The following CRTAC1 variants were observed in gnomAD, a reference collection of about 807,000 sequenced individuals.
CRTAC1 encodes the protein cartilage acidic protein 1.
Under a neutral mutation model 67.8 loss-of-function variants are expected in CRTAC1, and 37 were observed. That is an observed-to-expected ratio of 0.55 (90% CI 0.42 to 0.72). CRTAC1 has a LOEUF of 0.72. Ranked by LOEUF, CRTAC1 falls within the 30% of genes least tolerant of loss-of-function variation. The probability of loss-of-function intolerance (pLI) is 0.00; values close to 1 mark genes in which losing one functional copy is unlikely to be tolerated. For missense variants in CRTAC1, 780 were observed against 931.6 expected (o/e 0.84, Z 2.12); for synonymous variants, 348 against 371.0 (o/e 0.94, Z 0.71).
chr10:98,001,931 C>T (rs1374782983), intron 2 of CRTAC1, among the ~76,000 whole-genome samples: 1 of 152,252 alleles, frequency 6.6e-6, no homozygotes, highest in South Asian at 2.1e-4. Context: ...AGGCTGGCGT[C>T]AGATCCGCCC....
chr10:97,876,830 T>C (rs2050152678), intron 14 of CRTAC1, among the ~76,000 whole-genome samples: 1 of 151,686 alleles, frequency 6.6e-6, no homozygotes, highest in Non-Finnish European at 1.5e-5. Flanking sequence ...CTGGGTAGCT[T>C]GGGGGTGGCT....
intron 2 of CRTAC1, among the ~76,000 whole-genome samples, chr10:97,954,651 T>C (rs1250514175): frequency 2.0e-5 from 3 of 152,290 alleles, no homozygotes; most frequent in Admixed American, 2.0e-4. Context: ...GCTGGGGCCA[T>C]GTCGGGGCAA....
At chr10:97,974,341 A>C (rs1018486010) in intron 2 of CRTAC1, among the ~76,000 whole-genome samples, 12 of 152,176 alleles carry the variant, frequency 7.9e-5, no homozygotes, top group African/African-American at 2.9e-4. Flanking sequence ...ACTTTGTTGT[A>C]CATTTTGTCT....
In CRTAC1 at chr10:97,878,971, G is replaced by C. The variant is rs115636303; in HGVS notation, c.1819+1278C>G. Among the ~76,000 whole-genome samples, 1,244 of 152,300 alleles carry C rather than the reference G, an allele frequency of 8.2e-3. 27 individuals carry two copies. Among genetic ancestry groups the C allele is most frequent in the African/African-American group, 0.028 (1,160 of 41,540 alleles). On this transcript the variant is annotated intron_variant, in intron 14 of 14. Coordinates refer to ENST00000370597, the MANE Select transcript of CRTAC1 (RefSeq NM_018058.7). ...CGCAACCAAACCACTGCTGGTGCCT[G>C]AGGGTGACACCTGCTTTGTGTTATG... is the stretch of plus-strand genomic sequence containing the variant.
chr10:97,921,282 T>A (rs1295781512), intron 4 of CRTAC1, among the ~76,000 whole-genome samples: 1 of 152,080 alleles, frequency 6.6e-6, no homozygotes, highest in African/African-American at 2.4e-5. Context: ...CTGCCCCAGG[T>A]AGGGGCTATG....
At chr10:97,928,020 G>A (rs1354530758) in intron 3 of CRTAC1, among the ~76,000 whole-genome samples, 1 of 152,226 alleles carries the variant, frequency 6.6e-6, no homozygotes, top group Non-Finnish European at 1.5e-5. Flanking sequence ...TTAGGAGCAG[G>A]AGAGAGGTAT....
intron 14 of CRTAC1, among the ~76,000 whole-genome samples, chr10:97,876,532 C>G (rs987322675): frequency 2.0e-5 from 3 of 152,154 alleles, no homozygotes; most frequent in Non-Finnish European, 4.4e-5. Flanking sequence ...CACCTTCCCA[C>G]TGGAGTGAGT....
chr10:97,922,471 C>T (rs1388255426), intron 4 of CRTAC1, among the ~76,000 whole-genome samples: 1 of 152,224 alleles, frequency 6.6e-6, no homozygotes, highest in Non-Finnish European at 1.5e-5. Flanking sequence ...CGGGCAGCAG[C>T]TGGGCCCCTG....
At chr10:97,947,599 G>A (rs2051284949) in intron 2 of CRTAC1, among the ~76,000 whole-genome samples, 1 of 152,224 alleles carries the variant, frequency 6.6e-6, no homozygotes, top group South Asian at 2.1e-4. Context: ...TATATGCAAA[G>A]CATTCCCCAA....
At chr10:97,906,173 G>A (rs1240331704) in intron 6 of CRTAC1, among the ~76,000 whole-genome samples, 1 of 152,192 alleles carries the variant, frequency 6.6e-6, no homozygotes, top group East Asian at 1.9e-4. Context: ...GGAGCTGGGG[G>A]AGGTGTGGGA....
chr10:97,892,709 G>A (rs2050396060), intron 11 of CRTAC1, among the ~76,000 whole-genome samples: 1 of 152,210 alleles, frequency 6.6e-6, no homozygotes, highest in Non-Finnish European at 1.5e-5. Flanking sequence ...CTTGATAAGT[G>A]TCGGCTACTG....
At chr10:97,873,566 T>G (rs1174484283) in intron 14 of CRTAC1, among the ~76,000 whole-genome samples, 3 of 152,184 alleles carry the variant, frequency 2.0e-5, no homozygotes, top group Non-Finnish European at 4.4e-5. Flanking sequence ...GCTTTTTTCC[T>G]GTTCCAGGAG....
At chr10:97,978,598 C>A (rs1459312057) in intron 2 of CRTAC1, among the ~76,000 whole-genome samples, 3 of 152,178 alleles carry the variant, frequency 2.0e-5, no homozygotes, top group Non-Finnish European at 4.4e-5. Flanking sequence ...CCCCATGACA[C>A]TGGAGTTGAT....
chr10:97,984,878 G>C (rs1288521463), intron 2 of CRTAC1, among the ~76,000 whole-genome samples: 2 of 152,228 alleles, frequency 1.3e-5, no homozygotes, highest in African/African-American at 4.8e-5. Flanking sequence ...GTTAGGAAAA[G>C]GCAGCTCAAG....
chr10:97,999,384 G>A (rs959837620), intron 2 of CRTAC1, among the ~76,000 whole-genome samples: 3 of 152,238 alleles, frequency 2.0e-5, no homozygotes, highest in Admixed American at 2.0e-4. Flanking sequence ...TCAGAGCAAA[G>A]TTAGGGCAAG....
rs747758168 is a variant in CRTAC1, at chr10:97,908,114, C to T, written c.749G>A (p.Ser250Asn). 5 of 1,614,156 alleles carry T rather than the reference C, an allele frequency of 3.1e-6. No individual in the cohort carries two copies. In the East Asian group the frequency reaches 1.1e-4, roughly 36 times the overall value. ...GCAGAAGATATCCGAGGCACTGCTG[C>T]TGAGGATGGGGCCCACGCTGACGCC... is the stretch of plus-strand genomic sequence containing the variant. ...GRGVSVGPIL[S>N]SSASDIFCDN... Residue 250 changes from serine to asparagine, a missense_variant, in exon 6 of 15, where the codon AGC (serine) becomes AAC (asparagine). Physicochemically the swap from Ser to Asn is conservative, Grantham distance 46 (BLOSUM62 1). Coordinates refer to ENST00000370597, the MANE Select transcript of CRTAC1 (RefSeq NM_018058.7).
intron 2 of CRTAC1, among the ~76,000 whole-genome samples, chr10:97,988,589 A>G (rs2052023180): frequency 6.6e-6 from 1 of 152,102 alleles, no homozygotes; most frequent in Non-Finnish European, 1.5e-5. Flanking sequence ...GTGTGGCAGC[A>G]TGTGCCTGTA....
At chr10:97,927,297 T>C (rs2050935098) in intron 3 of CRTAC1, among the ~76,000 whole-genome samples, 1 of 152,220 alleles carries the variant, frequency 6.6e-6, no homozygotes, top group African/African-American at 2.4e-5. Flanking sequence ...TCTGTGATCA[T>C]GTGAGCTTGG....
At chr10:97,923,243 C>T (rs774560152) in intron 4 of CRTAC1, 21 bp downstream of exon 4, 88 of 1,613,740 alleles carry the variant, frequency 5.5e-5, no homozygotes, top group East Asian at 5.1e-4. Context: ...TCCCCAGGAC[C>T]CCATGTGCCC....
Sources: allele counts gnomAD v4.1 joint callset (sites outside exome capture counted in the v4.1 genomes callset), GRCh38; gene constraint gnomAD v4.1.1; transcripts MANE v1.5; gene names NCBI Gene and HGNC (gene_info 2026-07-23, HGNC 2026-07-21).